ASMT: variants seen among roughly 807,000 people sequenced by gnomAD.
ASMT encodes the protein acetylserotonin N-methyltransferase.
ASMT carries 53 observed loss-of-function variants against 41.3 expected under a neutral mutation model. The observed-to-expected ratio is 1.28, with a 90% CI of 1.03 to 1.61. The LOEUF (loss-of-function observed/expected upper bound fraction) is 1.61. Ranked by LOEUF, ASMT falls within the 40% of genes most tolerant of loss-of-function variation. The pLI is 0.00. For synonymous variants in ASMT, 231 were observed against 184.8 expected (o/e 1.25, Z -2.03); for missense variants, 531 against 441.3 (o/e 1.20, Z -1.82).
intron 7 of ASMT, among the ~76,000 whole-genome samples, chrX:1,635,419 C>T (rs1366845528): frequency 6.6e-6 from 1 of 152,136 alleles, no homozygotes; most frequent in Non-Finnish European, 1.5e-5. Flanking sequence ...TGCGTATTTA[C>T]TTTAAATCTG....
At chrX:1,633,447 G>C (rs769202904) in intron 7 of ASMT, 157 bp downstream of exon 7, 36 of 248,066 alleles carry the variant, frequency 1.5e-4, no homozygotes, top group African/African-American at 8.2e-4. Context: ...TGGATGGAAA[G>C]CTGGGTGTAG....
intron 5 of ASMT, among the ~76,000 whole-genome samples, chrX:1,631,143 T>C (rs1333377139): frequency 1.3e-5 from 2 of 151,682 alleles, no homozygotes. Flanking sequence ...CTCGATCTCC[T>C]GACCTCGTGA....
rs1177048145 is a variant in ASMT at position 1,636,666 on chromosome X, G to C, written c.910+106G>C. Reference sequence around the variant, plus strand: ...TGAAATCATCCCACAGGTAAGGGTAGACATCCTGCCCAATATGGCTTTCCT... The same window carrying C: ...TGAAATCATCCCACAGGTAAGGGTACACATCCTGCCCAATATGGCTTTCCT... On this transcript the variant is annotated intron_variant, in intron 8 of 8. Coordinates refer to ENST00000381241, the MANE Select transcript of ASMT (RefSeq NM_001171038.2). The C allele has an allele frequency of 3.8e-6, 6 of 1,561,154 alleles. No individual in the cohort carries two copies. The East Asian group carries it at 1.3e-4, about 35-fold the overall frequency.
intron 1 of ASMT, among the ~76,000 whole-genome samples, chrX:1,616,920 G>T (rs1427918764): frequency 6.6e-6 from 1 of 151,940 alleles, no homozygotes; most frequent in Non-Finnish European, 1.5e-5. Flanking sequence ...GTGTTAGCCA[G>T]GATGGTCTCG....
chrX:1,627,304 C>A (rs755786945), intron 3 of ASMT, among the ~76,000 whole-genome samples: 1 of 150,074 alleles, frequency 6.7e-6, no homozygotes, highest in East Asian at 2.0e-4. Flanking sequence ...CCAGCCTGGG[C>A]GACACAGCGA....
intron 8 of ASMT, 94 bp from the exon 9 acceptor site, chrX:1,642,707 CCT>C: frequency 8.8e-7 from 1 of 1,130,844 alleles, no homozygotes; most frequent in Non-Finnish European, 1.3e-6. Context: ...CCCTGACTGT[CCT>C]CTGAGGTCTG....
At chrX:1,626,320 C>A (rs1195159024) in intron 3 of ASMT, among the ~76,000 whole-genome samples, 1 of 150,964 alleles carries the variant, frequency 6.6e-6, no homozygotes, top group East Asian at 2.0e-4. Flanking sequence ...CTGCAACCTC[C>A]GCCTCCTGGG....
At chrX:1,631,820 C>T (rs1329310093) in intron 5 of ASMT, among the ~76,000 whole-genome samples, 23 of 151,914 alleles carry the variant, frequency 1.5e-4, no homozygotes, top group African/African-American at 5.6e-4. Flanking sequence ...GAGGCTGAGG[C>T]GGGCGGATCC....
chrX:1,636,202 C>G, intron 7 of ASMT: 1 of 589,402 alleles, frequency 1.7e-6, no homozygotes, highest in African/African-American at 1.8e-5. Flanking sequence ...CGTGATCTGC[C>G]CACCTCCGCC....
At chrX:1,627,311 G>A (rs1569375671) in intron 3 of ASMT, among the ~76,000 whole-genome samples, 1 of 148,950 alleles carries the variant, frequency 6.7e-6, no homozygotes, top group East Asian at 2.0e-4. Flanking sequence ...GGGCGACACA[G>A]CGAGACTCCA....
chrX:1,633,178 CATGTCTCTGTACCCTGG>C lies in ASMT; in HGVS notation c.680_696del (p.Ser227Ter). 1 of 1,613,854 alleles carries C rather than the reference CATGTCTCTGTACCCTGG, an allele frequency of 6.2e-7. No individual in the cohort carries two copies. Among genetic ancestry groups the C allele is most frequent in the Non-Finnish European group, 8.5e-7 (1 of 1,179,852 alleles). ...GGGCTGGAGCTCTGGCTAAGGAATGCATGTCTCTGTACCCTGGATGTAAGATCACCGTTTTTGACATC... is the reference window on the plus strand; with the variant it reads ...GGGCTGGAGCTCTGGCTAAGGAATGCATGTAAGATCACCGTTTTTGACATC... On this transcript the variant is annotated frameshift_variant, in exon 7 of 9. Coordinates refer to ENST00000381241, the MANE Select transcript of ASMT (RefSeq NM_001171038.2). LOFTEE classifies it high-confidence loss of function.
intron 6 of ASMT, 22 bp from the exon 7 acceptor site, chrX:1,633,128 A>G (rs1934839187): frequency 1.2e-6 from 2 of 1,613,832 alleles, no homozygotes; most frequent in Non-Finnish European, 1.7e-6. Context: ...CTGAGGGTCA[A>G]ACGGGCTGTG....
chrX:1,642,470 T>C (rs1270949116), intron 8 of ASMT, among the ~76,000 whole-genome samples: 1 of 140,654 alleles, frequency 7.1e-6, no homozygotes, highest in Non-Finnish European at 1.5e-5. Context: ...GAGAGGTCCA[T>C]CGATCCTGAT....
chrX:1,633,157 T>G lies in ASMT; in HGVS notation c.654T>G (p.Ala218=), dbSNP rs1158365269. The G allele has an allele frequency of 1.9e-6, 3 of 1,613,940 alleles. No individual in the cohort carries two copies. The East Asian group carries it at 6.7e-5, about 36-fold the overall frequency. The part of the protein sequence containing the change: ...KHRVFSLIGG[A]GALAKECMSL... Reference sequence around the variant, plus strand: ...GGCTGTGTCCCCTTCCAGGTGGGGCTGGAGCTCTGGCTAAGGAATGCATGT... The same window carrying G: ...GGCTGTGTCCCCTTCCAGGTGGGGCGGGAGCTCTGGCTAAGGAATGCATGT... The change falls in exon 7 of 9, where the codon GCT becomes GCG. Residue 218 remains alanine, a synonymous_variant. Coordinates refer to ENST00000381241, the MANE Select transcript of ASMT (RefSeq NM_001171038.2).
intron 5 of ASMT, among the ~76,000 whole-genome samples, chrX:1,632,442 G>C (rs372858639): frequency 6.6e-6 from 1 of 152,264 alleles, no homozygotes; most frequent in East Asian, 1.9e-4. Context: ...ACGAGGTCAG[G>C]AGATCGAGAC....
chrX:1,623,952 A>G (rs1308240229), intron 2 of ASMT, among the ~76,000 whole-genome samples: 1 of 152,038 alleles, frequency 6.6e-6, no homozygotes, highest in Non-Finnish European at 1.5e-5. Context: ...CCCGGCCTCA[A>G]TAAGTTATTT....
At chrX:1,624,145 A>G in intron 2 of ASMT, 124 bp from the exon 3 acceptor site, 1 of 1,320,336 alleles carries the variant, frequency 7.6e-7, no homozygotes, top group South Asian at 1.2e-5. Context: ...GGAAGACCCC[A>G]TCTCTAAAGA....
At chrX:1,625,108 C>CT (rs58353783) in intron 3 of ASMT, among the ~76,000 whole-genome samples, 1,591 of 136,028 alleles carry the variant, frequency 0.012, 30 homozygotes, top group Middle Eastern at 0.023. Flanking sequence ...TCTTTTCTTT[C>CT]TTTTTTTTTT....
rs1934029158 is a variant in ASMT at position 1,615,135 on chromosome X, G to T, written c.-65G>T. The T allele has an allele frequency of 5.4e-6, 8 of 1,472,064 alleles. No homozygotes were observed. The East Asian group carries it at 7.4e-5, about 14-fold the overall frequency. The allele number at this position is 1,472,064 out of a possible 1,614,324, so 91.2% of individuals were successfully genotyped here. On this transcript the variant is annotated 5_prime_UTR_variant, in exon 1 of 9. It adds an upstream start codon to the 5' untranslated region. Transcript: ENST00000381241. The stretch of plus-strand genomic sequence containing the variant: ...GTGGCTCTTCCCCACCTTGCCAGCA[G>T]GCTCTGTGCTCCTTGAAGCAAGCGC...
Sources: allele counts gnomAD v4.1 joint callset (sites outside exome capture counted in the v4.1 genomes callset), GRCh38; gene constraint gnomAD v4.1.1; transcripts MANE v1.5; gene names NCBI Gene and HGNC (gene_info 2026-07-23, HGNC 2026-07-21).